The following SIPA1L3 variants were observed in gnomAD, a reference collection of about 807,000 sequenced individuals.
The protein encoded by SIPA1L3 is signal induced proliferation associated 1 like 3.
In SIPA1L3, 59 loss-of-function variants were observed where a neutral mutation model predicts 150.1. The ratio of observed to expected loss-of-function variants is 0.39; its 90% CI spans 0.32 to 0.49. SIPA1L3 has a LOEUF of 0.49. Ranked by LOEUF, SIPA1L3 falls within the 20% of genes least tolerant of loss-of-function variation. The pLI, the probability that SIPA1L3 is intolerant of heterozygous loss-of-function variation, is 0.86. For missense variants in SIPA1L3, 2,211 were observed against 2,489.5 expected, an observed-to-expected ratio of 0.89 and a Z score of 2.38; for synonymous variants, 1,070 against 1,077.6, an observed-to-expected ratio of 0.99 and a Z score of 0.14.
chr19:38,066,662 A>G (rs927546671), intron 2 of SIPA1L3, among the ~76,000 whole-genome samples: 1 of 151,416 alleles, frequency 6.6e-6, no homozygotes, highest in Non-Finnish European at 1.5e-5. Flanking sequence ...CCCTGTCTCT[A>G]CTAAAAATAC....
chr19:38,117,990 T>G (rs191615385), intron 8 of SIPA1L3, among the ~76,000 whole-genome samples: 1 of 152,314 alleles, frequency 6.6e-6, no homozygotes, highest in East Asian at 1.9e-4. Context: ...CTATCAGATT[T>G]TGATAGCGCC....
intron 8 of SIPA1L3, among the ~76,000 whole-genome samples, chr19:38,111,637 G>A (rs1970747529): frequency 6.6e-6 from 1 of 152,214 alleles, no homozygotes; most frequent in Non-Finnish European, 1.5e-5. Context: ...GGGCATCCCA[G>A]CCTGCAGCGC....
chr19:38,157,274 G>A (rs981180278), intron 13 of SIPA1L3, among the ~76,000 whole-genome samples: 1 of 152,238 alleles, frequency 6.6e-6, no homozygotes, highest in African/African-American at 2.4e-5. Context: ...AATAACAGCT[G>A]TACAGTTTCG....
intron 9 of SIPA1L3, among the ~76,000 whole-genome samples, chr19:38,123,239 G>A (rs1203534564): frequency 1.3e-5 from 2 of 151,852 alleles, no homozygotes; most frequent in East Asian, 3.8e-4. Flanking sequence ...AGCCCAAAGA[G>A]CCTGGGTTTT....
In SIPA1L3 at chr19:38,093,600, G is replaced by T. The variant is rs1216535947; in HGVS notation, c.1665+4749G>T. 4.6e-5 allele frequency among the ~76,000 whole-genome samples: 7 copies of T among 152,302 alleles called. No individual in the cohort carries two copies. The South Asian group carries it at 1.2e-3, about 27-fold the overall frequency. ...GCTGGGAAGCATAGGTTGAGCTCAC[G>T]GATGGGGTTCTGTCCTTCTCATATC... is the stretch of plus-strand genomic sequence containing the variant. On this transcript the variant is annotated intron_variant, in intron 4 of 21. Coordinates refer to ENST00000222345, the MANE Select transcript of SIPA1L3 (RefSeq NM_015073.3).
At chr19:38,044,729 C>T (rs1969013426) in intron 2 of SIPA1L3, among the ~76,000 whole-genome samples, 1 of 152,054 alleles carries the variant, frequency 6.6e-6, no homozygotes, top group Non-Finnish European at 1.5e-5. Context: ...CAGAGGAGCC[C>T]TTGGAATTGG....
chr19:38,181,669 C>T (rs150042754), intron 15 of SIPA1L3, among the ~76,000 whole-genome samples: 2,893 of 151,870 alleles, frequency 0.019, 91 homozygotes, highest in African/African-American at 0.064. Flanking sequence ...CATGGTGAAA[C>T]GCTGTCTCTA....
intron 1 of SIPA1L3, among the ~76,000 whole-genome samples, chr19:37,992,651 A>T (rs1333887181): frequency 2.2e-4 from 2 of 9,146 alleles, no homozygotes; most frequent in Admixed American, 1.6e-3. Flanking sequence ...ACTCTGTCTT[A>T]AAAAAAAAAA....
chr19:38,150,465 A>G lies in SIPA1L3; in HGVS notation c.3534-2375A>G, dbSNP rs373435599. Among the ~76,000 whole-genome samples the G allele has an allele frequency of 9.3e-4, 140 of 150,762 alleles. 1 individual carries two copies. The highest frequency in any genetic ancestry group is 3.4e-3 in the African/African-American group (138 of 41,022). ...CTAGTTTATCACCTCACCTCCCCCTACCAGATCCTCCCAAGTTGAAAATAC... is the reference window on the plus strand; with the variant it reads ...CTAGTTTATCACCTCACCTCCCCCTGCCAGATCCTCCCAAGTTGAAAATAC... On this transcript the variant is annotated intron_variant, in intron 12 of 21. Coordinates refer to ENST00000222345, the MANE Select transcript of SIPA1L3 (RefSeq NM_015073.3).
Position 38,164,389 on chromosome 19 carries a change from G to A in SIPA1L3, c.3781-90G>A. ...AGGATTTGAAGCTGTCTGGTCCCAGGGTTCAGGCCCAGGCAGAGGGAGGAC... is the reference window on the plus strand; with the variant it reads ...AGGATTTGAAGCTGTCTGGTCCCAGAGTTCAGGCCCAGGCAGAGGGAGGAC... On this transcript the variant is annotated intron_variant, in intron 14 of 21. Transcript: ENST00000222345. The surrounding 1 kb of genome is among the most constrained non-coding windows in gnomAD (Gnocchi z 4.1). 4 of 1,250,270 alleles carry A rather than the reference G, an allele frequency of 3.2e-6. No individual in the cohort carries two copies. The highest frequency in any genetic ancestry group is 4.5e-6 in the Non-Finnish European group (4 of 888,444). 77.4% of individuals were successfully genotyped at this position (1,250,270 alleles called of 1,614,324 possible).
chr19:38,196,435 C>A (rs932739366), intron 18 of SIPA1L3, among the ~76,000 whole-genome samples: 1 of 138,080 alleles, frequency 7.2e-6, no homozygotes, highest in East Asian at 2.2e-4. Context: ...AGGTCAAGGG[C>A]AGAGCAAGGA....
At chr19:38,134,642 GT>G (rs1971391430) in intron 10 of SIPA1L3, among the ~76,000 whole-genome samples, 1 of 143,062 alleles carries the variant, frequency 7.0e-6, no homozygotes, top group African/African-American at 2.6e-5. Flanking sequence ...AGGAGGCAGA[GT>G]TTGCAGTGAG....
chr19:37,969,267 A>T (rs924065645), intron 1 of SIPA1L3, among the ~76,000 whole-genome samples: 6 of 151,848 alleles, frequency 4.0e-5, no homozygotes, highest in Middle Eastern at 3.2e-3. Context: ...AAAAAACCTT[A>T]TAGGCCAGGT....
At chr19:38,088,170 C>T (rs553126754) in intron 3 of SIPA1L3, among the ~76,000 whole-genome samples, 7 of 152,344 alleles carry the variant, frequency 4.6e-5, no homozygotes, top group East Asian at 3.9e-4. Context: ...GTGCCTGGCA[C>T]GGTGCTGAAG....
chr19:38,196,127 C>A (rs553035957), intron 18 of SIPA1L3, among the ~76,000 whole-genome samples: 2 of 152,168 alleles, frequency 1.3e-5, no homozygotes, highest in Non-Finnish European at 2.9e-5. Context: ...TTCCCGGGCC[C>A]CATCCCAGAT....
At chr19:38,134,374 G>T (rs1300326558) in intron 10 of SIPA1L3, among the ~76,000 whole-genome samples, 2 of 137,778 alleles carry the variant, frequency 1.5e-5, no homozygotes, top group Admixed American at 8.3e-5. Context: ...GCAGTGAGCT[G>T]TGATCACACC....
intron 1 of SIPA1L3, among the ~76,000 whole-genome samples, chr19:37,992,360 G>A (rs1435292328): frequency 6.6e-6 from 1 of 152,272 alleles, no homozygotes; most frequent in African/African-American, 2.4e-5. Context: ...CAGATAATAT[G>A]ATGAATAGGG....
At chr19:38,110,629 A>C (rs1251412355) in intron 8 of SIPA1L3, among the ~76,000 whole-genome samples, 1 of 152,214 alleles carries the variant, frequency 6.6e-6, no homozygotes, top group East Asian at 1.9e-4. Context: ...AAGTGACAGA[A>C]AACCCATGTC....
At chr19:38,043,891 G>A (rs531121868) in intron 2 of SIPA1L3, among the ~76,000 whole-genome samples, 157 of 152,312 alleles carry the variant, frequency 1.0e-3, no homozygotes, top group Non-Finnish European at 1.7e-3. Flanking sequence ...AGCAGAGGAA[G>A]GACATGATCT....
Sources: allele counts gnomAD v4.1 joint callset (sites outside exome capture counted in the v4.1 genomes callset), GRCh38; gene constraint gnomAD v4.1.1; non-coding constraint Gnocchi (gnomAD v3.1); transcripts MANE v1.5; gene names NCBI Gene and HGNC (gene_info 2026-07-23, HGNC 2026-07-21).